Variants in GLP2R observed in about 807,000 individuals in gnomAD.
The protein encoded by GLP2R is glucagon like peptide 2 receptor.
Under a neutral mutation model 68.2 loss-of-function variants are expected in GLP2R, and 59 were observed. The ratio of observed to expected loss-of-function variants is 0.87; its 90% CI spans 0.70 to 1.07. The LOEUF (loss-of-function observed/expected upper bound fraction) is 1.07. Ranked by LOEUF, GLP2R falls within the 50% of genes least tolerant of loss-of-function variation. GLP2R has a pLI of 0.00. For missense variants in GLP2R, 548 were observed against 677.4 expected (o/e 0.81, Z 2.12); for synonymous variants, 270 against 265.4 (o/e 1.02, Z -0.17).
At position 9,883,884 on chromosome 17, in the gene GLP2R, G is replaced by A. The variant is rs567791873; in HGVS notation, c.1284+3368G>A. On this transcript the variant is annotated intron_variant, in intron 11 of 12. Transcript: ENST00000262441. The stretch of plus-strand genomic sequence containing the variant: ...GATGTCCTTCATGCTGGAAGAAAAC[G>A]ACAACAGACAGCAACTCAAATCCAC... 1.7e-4 allele frequency among the ~76,000 whole-genome samples: 26 copies of A among 152,216 alleles called. No individual in the cohort carries two copies. The South Asian group carries it at 2.5e-3, about 15-fold the overall frequency.
At chr17:9,833,608 A>G (rs984058374) in intron 1 of GLP2R, among the ~76,000 whole-genome samples, 199 bp from the exon 2 acceptor site, 4 of 152,218 alleles carry the variant, frequency 2.6e-5, no homozygotes, top group African/African-American at 9.6e-5. Flanking sequence ...ATTAAAGCCA[A>G]TATGATTAGG....
At chr17:9,884,335 G>T (rs976813531) in intron 11 of GLP2R, among the ~76,000 whole-genome samples, 2 of 152,148 alleles carry the variant, frequency 1.3e-5, no homozygotes, top group African/African-American at 4.8e-5. Flanking sequence ...TCCCTATGAA[G>T]GATAAATTAT....
intron 5 of GLP2R, among the ~76,000 whole-genome samples, chr17:9,856,926 A>T (rs1358489310): frequency 2.0e-5 from 3 of 146,578 alleles, no homozygotes; most frequent in East Asian, 2.0e-4. Context: ...GGTGATAGCT[A>T]TTTTTTTTTT....
At chr17:9,864,280 C>T (rs929375044) in intron 9 of GLP2R, among the ~76,000 whole-genome samples, 1 of 152,206 alleles carries the variant, frequency 6.6e-6, no homozygotes, top group African/African-American at 2.4e-5. Flanking sequence ...TCTCCAGCCC[C>T]ATCTCCCAGG....
At chr17:9,883,333 A>G (rs1325331440) in intron 11 of GLP2R, among the ~76,000 whole-genome samples, 3 of 152,342 alleles carry the variant, frequency 2.0e-5, no homozygotes, top group African/African-American at 4.8e-5. Context: ...AAAAGAATGA[A>G]GAAAAATAAT....
intron 11 of GLP2R, among the ~76,000 whole-genome samples, chr17:9,887,717 C>A (rs552739586): frequency 6.6e-6 from 1 of 152,136 alleles, no homozygotes; most frequent in East Asian, 1.9e-4. Context: ...CGGAGCAGGG[C>A]GGGCGGGGCG....
intron 10 of GLP2R, among the ~76,000 whole-genome samples, chr17:9,873,868 C>T (rs1457787749): frequency 2.0e-5 from 3 of 152,068 alleles, no homozygotes; most frequent in South Asian, 2.1e-4. Flanking sequence ...AGAGGGAGGA[C>T]GTTCTCAGTG....
At chr17:9,851,265 G>A (rs2066889239) in intron 4 of GLP2R, among the ~76,000 whole-genome samples, 1 of 151,946 alleles carries the variant, frequency 6.6e-6, no homozygotes, top group Non-Finnish European at 1.5e-5. Flanking sequence ...CACAGAAATA[G>A]TCAATTTAAA....
At chr17:9,837,782 A>G (rs4461109) in intron 3 of GLP2R, among the ~76,000 whole-genome samples, 30,809 of 152,060 alleles carry the variant, frequency 0.2, 5,094 homozygotes, top group African/African-American at 0.44. Context: ...ACAGACCACC[A>G]GCAAATACAA....
chr17:9,846,147 A>G (rs569587757), intron 4 of GLP2R, among the ~76,000 whole-genome samples: 31 of 152,306 alleles, frequency 2.0e-4, no homozygotes, highest in Non-Finnish European at 4.1e-4. Context: ...GTTGAAAATC[A>G]AGTACGCTTT....
chr17:9,849,701 C>T (rs2066874556), intron 4 of GLP2R, among the ~76,000 whole-genome samples: 1 of 151,036 alleles, frequency 6.6e-6, no homozygotes, highest in Non-Finnish European at 1.5e-5. Flanking sequence ...CCAGCTCCGC[C>T]TCCTGGGTTC....
intron 2 of GLP2R, 58 bp downstream of exon 2, chr17:9,833,952 G>A (rs552762929): frequency 9.4e-7 from 1 of 1,067,456 alleles, no homozygotes; most frequent in Non-Finnish European, 1.5e-6. Flanking sequence ...AAGCTTAGCG[G>A]CTCAAAACAA....
chr17:9,839,969 C>A (rs921395915), intron 3 of GLP2R, among the ~76,000 whole-genome samples: 3 of 146,788 alleles, frequency 2.0e-5, no homozygotes, highest in African/African-American at 7.5e-5. Flanking sequence ...CTCCCCTCTG[C>A]CTTTCTGAAG....
chr17:9,876,533 C>T (rs1346409563), intron 10 of GLP2R, among the ~76,000 whole-genome samples: 4 of 152,198 alleles, frequency 2.6e-5, no homozygotes, highest in Admixed American at 6.5e-5. Context: ...ATTCTTGTGT[C>T]ATTGTGTCTT....
chr17:9,856,237 G>T (rs1226383869), intron 5 of GLP2R, among the ~76,000 whole-genome samples: 1 of 152,174 alleles, frequency 6.6e-6, no homozygotes, highest in Non-Finnish European at 1.5e-5. Flanking sequence ...CAAGCCAGGA[G>T]AAAATAACTG....
intron 4 of GLP2R, among the ~76,000 whole-genome samples, chr17:9,849,790 T>C (rs1305776865): frequency 6.6e-6 from 1 of 151,960 alleles, no homozygotes; most frequent in Non-Finnish European, 1.5e-5. Flanking sequence ...TTTTTTTGTA[T>C]TTTTAGTAGA....
intron 9 of GLP2R, chr17:9,865,750 A>C: frequency 2.2e-6 from 1 of 461,516 alleles, no homozygotes; most frequent in Non-Finnish European, 4.5e-6. Flanking sequence ...ATAAGTCAAC[A>C]GGCATGCCTA....
Position 9,842,430 on chromosome 17 carries a change from G to A in GLP2R, c.383-65G>A, listed in dbSNP as rs192116827. ...TCTCCCTGGGATTTTCCACAGCTCT[G>A]TGGCATGCTCAGGGGAACGGGCTGT... On this transcript the variant is annotated intron_variant, in intron 3 of 12. Transcript: ENST00000262441. The A allele has an allele frequency of 3.6e-3, 5,859 of 1,607,272 alleles. 16 individuals carry two copies. Among genetic ancestry groups the A allele is most frequent in the Non-Finnish European group, 4.6e-3 (5,427 of 1,175,282 alleles).
intron 10 of GLP2R, among the ~76,000 whole-genome samples, chr17:9,875,708 C>T (rs929569707): frequency 6.6e-6 from 1 of 152,074 alleles, no homozygotes; most frequent in Non-Finnish European, 1.5e-5. Context: ...AAGCAATGCC[C>T]TAGGAATGCG....
Sources: allele counts gnomAD v4.1 joint callset (sites outside exome capture counted in the v4.1 genomes callset), GRCh38; gene constraint gnomAD v4.1.1; transcripts MANE v1.5; gene names NCBI Gene and HGNC (gene_info 2026-07-23, HGNC 2026-07-21).